The following RNF128 variants were observed in gnomAD, a reference collection of about 807,000 sequenced individuals.
RNF128 encodes ring finger protein 128, also known as E3 ubiquitin-protein ligase RNF128.
RNF128 carries 13 observed loss-of-function variants against 26.2 expected under a neutral mutation model. The observed-to-expected ratio is 0.50, with a 90% CI of 0.32 to 0.79. The LOEUF (loss-of-function observed/expected upper bound fraction) is 0.79. RNF128 is among the 30% of genes least tolerant of loss of function. The pLI is 0.03. For synonymous variants in RNF128, 149 were observed against 142.5 expected (o/e 1.05, Z -0.32); for missense variants, 315 against 349.7 (o/e 0.90, Z 0.79).
chrX:106,745,162 T>A (rs1288408614), intron 1 of RNF128, among the ~76,000 whole-genome samples: 1 of 111,754 alleles, frequency 8.9e-6, no homozygotes, highest in African/African-American at 3.3e-5. Flanking sequence ...ATCAAGTATG[T>A]GACCCATTTC....
intron 6 of RNF128, among the ~76,000 whole-genome samples, chrX:106,794,734 CTCTA>C (rs1156340733): frequency 4.1e-4 from 46 of 111,040 alleles, no homozygotes; most frequent in South Asian, 3.8e-4. Flanking sequence ...TACATTATTT[CTCTA>C]TCTGTCATTT....
upstream of RNF128, among the ~76,000 whole-genome samples, chrX:106,722,677 G>A (rs763199995): frequency 9.0e-5 from 10 of 111,651 alleles, no homozygotes; most frequent in African/African-American, 1.3e-4. Flanking sequence ...TCTGGGGACT[G>A]ACTCACACTT....
chrX:106,715,721 A>T (rs1420844291), intron 1 of RNF128, among the ~76,000 whole-genome samples: 1 of 111,929 alleles, frequency 8.9e-6, no homozygotes, highest in African/African-American at 3.2e-5. Context: ...TGTAGTGCAG[A>T]TATTTTATGT....
rs1218977525 is a variant in RNF128, at chrX:106,790,093, A to G, written c.888-93A>G. The G allele has an allele frequency of 8.0e-6, 4 of 502,957 alleles. No homozygotes were observed. The East Asian group carries it at 1.5e-4, about 19-fold the overall frequency. 41.4% of individuals were successfully genotyped at this position (502,957 alleles called of 1,213,427 possible). A position where few individuals can be genotyped will look rare whatever the true frequency, so the allele number is the denominator to read the frequency against. On this transcript the variant is annotated intron_variant, in intron 4 of 6. Transcript: ENST00000255499. ...TAAAAGGAAAGGCATCCATTCAAAG[A>G]CTAAATAAAGTTACACTAAGTAATC...
chrX:106,732,009 ACTC>A (rs1929509612), intron 1 of RNF128, among the ~76,000 whole-genome samples: 2 of 111,425 alleles, frequency 1.8e-5, no homozygotes, highest in Admixed American at 1.9e-4. Flanking sequence ...GGCATATAAA[ACTC>A]CTAGTAATCT....
chrX:106,770,646 C>T (rs1014946444), intron 1 of RNF128, among the ~76,000 whole-genome samples: 1 of 111,292 alleles, frequency 9.0e-6, no homozygotes, highest in Non-Finnish European at 1.9e-5. Flanking sequence ...GTTAGCCATT[C>T]GTCTAATCTT....
At chrX:106,706,641 ACT>A (rs1929047517) in intron 1 of RNF128, among the ~76,000 whole-genome samples, 2 of 111,608 alleles carry the variant, frequency 1.8e-5, no homozygotes, top group African/African-American at 6.5e-5. Context: ...TTACTTAAAC[ACT>A]CTGAATTTCA....
chrX:106,790,159 G>A (rs201787785), intron 4 of RNF128, 27 bp from the exon 5 acceptor site: 2 of 1,011,502 alleles, frequency 2.0e-6, no homozygotes, highest in African/African-American at 1.9e-5. Flanking sequence ...CTTTACAACT[G>A]ATAATTATGT....
intron 1 of RNF128, among the ~76,000 whole-genome samples, chrX:106,696,826 T>G (rs752413321): frequency 8.9e-6 from 1 of 111,844 alleles, no homozygotes; most frequent in Admixed American, 9.5e-5. Flanking sequence ...TTTAAAAAGG[T>G]AGATTTATTA....
intron 1 of RNF128, among the ~76,000 whole-genome samples, chrX:106,709,669 C>T (rs1361897967): frequency 9.0e-6 from 1 of 111,003 alleles, no homozygotes; most frequent in Admixed American, 9.6e-5. Flanking sequence ...GCCTCAGCCT[C>T]CCGAGTAGCT....
chrX:106,780,999 C>A (rs1378972278), intron 2 of RNF128, among the ~76,000 whole-genome samples: 1 of 112,541 alleles, frequency 8.9e-6, no homozygotes, highest in South Asian at 3.7e-4. Context: ...GTAAACCTTT[C>A]TTTCCCCAAA....
At chrX:106,718,179 C>G in intron 1 of RNF128, among the ~76,000 whole-genome samples, 1 of 111,897 alleles carries the variant, frequency 8.9e-6, no homozygotes. Context: ...CATATGCTCT[C>G]ATCAGGTCTC....
intron 1 of RNF128, among the ~76,000 whole-genome samples, chrX:106,771,560 G>A (rs751473097): frequency 1.8e-5 from 2 of 112,927 alleles, no homozygotes; most frequent in African/African-American, 3.2e-5. Context: ...AGCCAGGCGC[G>A]GGTTATAATC....
At chrX:106,715,411 T>A (rs1446756588) in intron 1 of RNF128, among the ~76,000 whole-genome samples, 2 of 112,407 alleles carry the variant, frequency 1.8e-5, no homozygotes, top group African/African-American at 3.2e-5. Context: ...TAGGAAAAAG[T>A]TCTTTTTACA....
chrX:106,765,883 G>A (rs1173842811), intron 1 of RNF128, among the ~76,000 whole-genome samples: 20 of 34,667 alleles, frequency 5.8e-4, no homozygotes, highest in South Asian at 4.1e-3. Flanking sequence ...CCCACCCCAC[G>A]ACAGGCTCCA....
chrX:106,739,815 AT>A (rs1264546403), intron 1 of RNF128, among the ~76,000 whole-genome samples: 2 of 111,145 alleles, frequency 1.8e-5, no homozygotes, highest in Non-Finnish European at 3.8e-5. Context: ...TTTTTTATAG[AT>A]TTTTTGGTAC....
chrX:106,763,918 A>C (rs1183092832), intron 1 of RNF128, among the ~76,000 whole-genome samples: 1 of 93,041 alleles, frequency 1.1e-5, no homozygotes, highest in Non-Finnish European at 2.0e-5. Flanking sequence ...TTTCTTGCCT[A>C]TCCTTGTTTT....
chrX:106,719,875 G>T (rs1929280515), intron 1 of RNF128, among the ~76,000 whole-genome samples: 1 of 107,899 alleles, frequency 9.3e-6, no homozygotes. Context: ...TGTCATACTG[G>T]ATCTGATGAA....
chrX:106,773,751 G>T lies in RNF128; in HGVS notation c.732+591G>T, dbSNP rs189342080. The stretch of plus-strand genomic sequence containing the variant: ...ATAACAGTGTATAAAAAGGTACAAG[G>T]TACACAAACAACAGAGCAAAAATAC... On this transcript the variant is annotated intron_variant, in intron 2 of 6. Coordinates refer to ENST00000255499, the MANE Select transcript of RNF128 (RefSeq NM_194463.2). Among the ~76,000 whole-genome samples, 151 of 110,856 alleles carry T rather than the reference G, an allele frequency of 1.4e-3. 1 individual carries two copies. The highest frequency in any genetic ancestry group is 4.9e-3 in the African/African-American group (149 of 30,567).
Sources: gnomAD v4.1 joint callset for allele counts (sites outside exome capture counted in the v4.1 genomes callset) on GRCh38, gnomAD v4.1.1 for gene constraint, MANE v1.5 for transcripts, NCBI Gene and HGNC (gene_info 2026-07-23, HGNC 2026-07-21) for gene names.